The following PBRM1 variants were observed in gnomAD, a reference collection of about 807,000 sequenced individuals.
PBRM1 encodes the protein polybromo 1, also known as protein polybromo-1.
In PBRM1, 27 loss-of-function variants were observed where a neutral mutation model predicts 194.5. The ratio of observed to expected loss-of-function variants is 0.14; its 90% CI spans 0.10 to 0.19. The LOEUF is 0.19. Ranked by LOEUF, PBRM1 falls within the 10% of genes least tolerant of loss-of-function variation. The pLI is 1.00. For missense variants in PBRM1, 1,466 were observed against 2,077.2 expected, an observed-to-expected ratio of 0.71 and a Z score of 5.72; for synonymous variants, 655 against 693.2, an observed-to-expected ratio of 0.94 and a Z score of 0.87.
intron 26 of PBRM1, among the ~76,000 whole-genome samples, chr3:52,558,042 T>A (rs764901170): frequency 6.6e-6 from 1 of 152,122 alleles, no homozygotes; most frequent in South Asian, 2.1e-4. Context: ...CCCTACCAAT[T>A]ACCAGGGTTG....
At chr3:52,678,922 C>A (rs887812861) in intron 1 of PBRM1, among the ~76,000 whole-genome samples, 1 of 152,180 alleles carries the variant, frequency 6.6e-6, no homozygotes, top group Non-Finnish European at 1.5e-5. Flanking sequence ...GTTTATCACT[C>A]TCTTGCTTAA....
At chr3:52,565,748 T>C (rs936117694) in intron 22 of PBRM1, among the ~76,000 whole-genome samples, 1 of 151,696 alleles carries the variant, frequency 6.6e-6, no homozygotes, top group East Asian at 2.0e-4. Flanking sequence ...GAATGTCCAA[T>C]AGGCACATGA....
At chr3:52,613,131 A>G (rs2094737390) in intron 15 of PBRM1, among the ~76,000 whole-genome samples, 2 of 152,050 alleles carry the variant, frequency 1.3e-5, no homozygotes, top group Admixed American at 6.6e-5. Context: ...TTTTATTTTT[A>G]TTTGTTTTAT....
At chr3:52,667,936 C>G (rs1332288639) in intron 3 of PBRM1, among the ~76,000 whole-genome samples, 2 of 151,290 alleles carry the variant, frequency 1.3e-5, no homozygotes, top group Non-Finnish European at 2.9e-5. Context: ...ATGAAAATGA[C>G]TAACAAACCA....
chr3:52,634,900 G>T, intron 10 of PBRM1, 85 bp from the exon 12 acceptor site: 1 of 899,498 alleles, frequency 1.1e-6, no homozygotes, highest in Non-Finnish European at 1.8e-6. Context: ...CAACCTTCCA[G>T]ATTGAACTAA....
intron 22 of PBRM1, among the ~76,000 whole-genome samples, chr3:52,571,281 C>G (rs1478664011): frequency 6.7e-6 from 1 of 148,804 alleles, no homozygotes; most frequent in African/African-American, 2.5e-5. Flanking sequence ...CGAGATTGTG[C>G]CACTGCACTG....
intron 24 of PBRM1, among the ~76,000 whole-genome samples, chr3:52,562,326 CA>C (rs11295230): frequency 0.84 from 102,901 of 122,308 alleles, 43,303 homozygotes; most frequent in East Asian, 0.98. Context: ...GACTCTGTCT[CA>C]AAAAAAAAAA....
At chr3:52,554,688 A>T in intron 27 of PBRM1, 36 bp downstream of exon 29, 1 of 1,496,200 alleles carries the variant, frequency 6.7e-7, no homozygotes, top group Non-Finnish European at 8.9e-7. Context: ...GAATATGAAG[A>T]TGAGATTAAT....
intron 21 of PBRM1, 74 bp from the exon 24 acceptor site, chr3:52,576,772 T>G: frequency 8.3e-7 from 1 of 1,211,632 alleles, no homozygotes; most frequent in South Asian, 1.4e-5. Flanking sequence ...AAAATCGCAT[T>G]AACCAAAAAC....
chr3:52,625,478 T>C (rs2095417110), intron 13 of PBRM1, among the ~76,000 whole-genome samples: 1 of 152,234 alleles, frequency 6.6e-6, no homozygotes, highest in East Asian at 1.9e-4. Flanking sequence ...TTTGTGTTTT[T>C]CACTTCATTT....
chr3:52,591,973 C>G (rs371951632), intron 17 of PBRM1, among the ~76,000 whole-genome samples: 4 of 148,840 alleles, frequency 2.7e-5, no homozygotes, highest in Non-Finnish European at 5.9e-5. Flanking sequence ...ATTACAGGTG[C>G]CCACGACCAT....
intron 17 of PBRM1, among the ~76,000 whole-genome samples, chr3:52,597,829 G>A (rs943746264): frequency 2.0e-5 from 3 of 152,158 alleles, no homozygotes; most frequent in South Asian, 2.1e-4. Flanking sequence ...TCAGCCTCCC[G>A]AGTAGCTGGG....
At chr3:52,655,350 C>T (rs1377771491) in intron 5 of PBRM1, among the ~76,000 whole-genome samples, 1 of 152,128 alleles carries the variant, frequency 6.6e-6, no homozygotes, top group Non-Finnish European at 1.5e-5. Flanking sequence ...GTGACTGGCT[C>T]ATTTTGCTTA....
At chr3:52,575,501 C>T (rs1377646301) in intron 22 of PBRM1, among the ~76,000 whole-genome samples, 10 of 142,696 alleles carry the variant, frequency 7.0e-5, no homozygotes, top group Non-Finnish European at 1.2e-4. Flanking sequence ...TACTTTAAAT[C>T]AATTGTCTTT....
chr3:52,675,139 A>G (rs947804495), intron 2 of PBRM1, among the ~76,000 whole-genome samples: 1 of 152,212 alleles, frequency 6.6e-6, no homozygotes, highest in Admixed American at 6.5e-5. Flanking sequence ...GAAGAAATGG[A>G]TAATTTCCTA....
At chr3:52,583,656 T>G (rs890697181) in intron 20 of PBRM1, among the ~76,000 whole-genome samples, 19 of 152,198 alleles carry the variant, frequency 1.2e-4, no homozygotes, top group Non-Finnish European at 2.5e-4. Context: ...TTAGAAACAG[T>G]AACCCTAGAC....
intron 26 of PBRM1, among the ~76,000 whole-genome samples, chr3:52,556,212 G>C (rs2082194666): frequency 6.6e-6 from 1 of 152,066 alleles, no homozygotes; most frequent in Non-Finnish European, 1.5e-5. Flanking sequence ...AAAATTCTGA[G>C]GTCGATTCAC....
In PBRM1 at chr3:52,609,275, C is replaced by A; in HGVS notation, c.2567+38G>T. On this transcript the variant is annotated intron_variant, in intron 16 of 29. Transcript: ENST00000296302. The surrounding 1 kb of genome is among the most constrained non-coding windows in gnomAD (Gnocchi z 4.1). ...CTTTCATCTGTTTTGTATTAAATAG[C>A]ACATATCCTCAAAATAAAAATGGCT... The A allele has an allele frequency of 6.7e-7, 1 of 1,497,326 alleles. No individual in the cohort carries two copies. The highest frequency in any genetic ancestry group is 1.2e-5 in the South Asian group (1 of 83,808). The allele number at this position is 1,497,326 out of a possible 1,614,324, so 92.8% of individuals were successfully genotyped here.
chr3:52,597,694 G>C (rs183967199), intron 17 of PBRM1, among the ~76,000 whole-genome samples: 1 of 152,100 alleles, frequency 6.6e-6, no homozygotes, highest in African/African-American at 2.4e-5. Flanking sequence ...AGCCTCGTGT[G>C]GTGGCACATG....
Sources: allele counts gnomAD v4.1 joint callset (sites outside exome capture counted in the v4.1 genomes callset), GRCh38; gene constraint gnomAD v4.1.1; non-coding constraint Gnocchi (gnomAD v3.1); transcripts MANE v1.5; gene names NCBI Gene and HGNC (gene_info 2026-07-23, HGNC 2026-07-21).